Variants in BEND5 observed in about 807,000 individuals in gnomAD.
BEND5 encodes BEN domain-containing protein 5.
In BEND5, 22 loss-of-function variants were observed where a neutral mutation model predicts 43.9. The observed-to-expected ratio is 0.50, with a 90% confidence interval of 0.36 to 0.72. The LOEUF (loss-of-function observed/expected upper bound fraction) is 0.72. Ranked by LOEUF, BEND5 falls within the 30% of genes least tolerant of loss-of-function variation. The probability of loss-of-function intolerance (pLI) is 0.00; values close to 1 mark genes in which losing one functional copy is unlikely to be tolerated. For missense variants in BEND5, 428 were observed against 550.6 expected, an observed-to-expected ratio of 0.78 and a Z score of 2.23; for synonymous variants, 228 against 225.9, an observed-to-expected ratio of 1.01 and a Z score of -0.08.
chr1:48,775,896 G>T (rs999257493), intron 1 of BEND5, among the ~76,000 whole-genome samples: 6 of 152,120 alleles, frequency 3.9e-5, no homozygotes, highest in African/African-American at 1.4e-4. Flanking sequence ...TCTCATTCAG[G>T]GAGCCTTCTG....
At position 48,743,097 on chromosome 1, in the gene BEND5, G is replaced by A. The variant is rs140175658; in HGVS notation, c.746-326C>T. Among the ~76,000 whole-genome samples the A allele has an allele frequency of 6.0e-3, 909 of 152,286 alleles. 8 individuals carry two copies. The highest frequency in any genetic ancestry group is 0.021 in the African/African-American group (853 of 41,554). On this transcript the variant is annotated intron_variant, in intron 3 of 5. Transcript: ENST00000371833. Reference sequence around the variant, plus strand: ...AGGTTCTGTTACGCCTGGGTTGGAGGAGAAGGGGTGGGAATTACTGAAATA... The same window carrying A: ...AGGTTCTGTTACGCCTGGGTTGGAGAAGAAGGGGTGGGAATTACTGAAATA...
intron 2 of BEND5, chr1:48,761,027 C>A: frequency 4.3e-6 from 1 of 232,544 alleles, no homozygotes; most frequent in Non-Finnish European, 8.4e-6. Flanking sequence ...TGGAGCTTAG[C>A]AGTGACCTCT....
intron 1 of BEND5, 141 bp from the exon 2 acceptor site, chr1:48,761,611 G>C (rs1345745543): frequency 3.5e-6 from 3 of 846,356 alleles, no homozygotes; most frequent in Non-Finnish European, 5.3e-6. Flanking sequence ...CTCAAGGCTG[G>C]TTCCCTCTTG....
chr1:48,762,991 T>C (rs751850113), intron 1 of BEND5, among the ~76,000 whole-genome samples: 1 of 152,096 alleles, frequency 6.6e-6, no homozygotes, highest in Non-Finnish European at 1.5e-5. Flanking sequence ...CACCGAACAG[T>C]GCCTGCTACA....
chr1:48,742,796 G>A, intron 3 of BEND5, 25 bp from the exon 4 acceptor site: 1 of 1,509,274 alleles, frequency 6.6e-7, no homozygotes, highest in Non-Finnish European at 8.9e-7. Flanking sequence ...AAAGAAATCT[G>A]TCTAGAACTC....
In BEND5 at chr1:48,776,694, T is replaced by G; in HGVS notation, c.138A>C (p.Glu46Asp). The G allele has an allele frequency of 2.0e-6, 3 of 1,515,164 alleles. No homozygotes were observed. Among genetic ancestry groups the G allele is most frequent in the Non-Finnish European group, 2.6e-6 (3 of 1,132,778 alleles). 93.9% of individuals were successfully genotyped at this position (1,515,164 alleles called of 1,614,324 possible). A position where few individuals can be genotyped will look rare whatever the true frequency, so the allele number is the denominator to read the frequency against. ...KVYAVYRGPE[E>D]LGAGPESPPR... The stretch of plus-strand genomic sequence containing the variant: ...GGGGGCTCTCGGGCCCGGCGCCCAA[T>G]TCCTCCGGGCCCCGGTACACGGCGT... The change falls in exon 1 of 6, where the codon GAA becomes GAC. Residue 46 changes from glutamate to aspartate, a missense_variant. Glu to Asp is a conservative substitution (Grantham distance 45). This residue lies in a region of BEND5 where 107 missense variants were observed against 98.8 expected (regional missense o/e 1.08). Transcript: ENST00000371833.
rs1644126261 is a variant in BEND5, at chr1:48,759,259, T to G, written c.386A>C (p.Glu129Ala). The change falls in exon 3 of 6, where the codon GAA becomes GCA. Residue 129 changes from glutamate to alanine, a missense_variant. Physicochemically the swap from Glu to Ala is moderately radical, Grantham distance 107. This residue lies in a region of BEND5 where 243 missense variants were observed against 286.4 expected (regional missense o/e 0.85). Coordinates refer to ENST00000371833, the MANE Select transcript of BEND5 (RefSeq NM_024603.4). ...TGCCTCGATGCTCTTGTGCGCCACT[T>G]CGCTCGGCTTCCGCCCCTCAGGTCT... Reference protein sequence around the residue: ...IKRPEGRKPSEVAHKSIEAVV... With the variant: ...IKRPEGRKPSAVAHKSIEAVV... The G allele has an allele frequency of 6.4e-7, 1 of 1,565,786 alleles. No homozygotes were observed. The highest frequency in any genetic ancestry group is 1.4e-5 in the African/African-American group (1 of 73,618).
chr1:48,773,702 G>A (rs543443101), intron 1 of BEND5, among the ~76,000 whole-genome samples: 4 of 152,304 alleles, frequency 2.6e-5, no homozygotes, highest in African/African-American at 9.6e-5. Context: ...AGACTGCCAA[G>A]TGGGGGCCTG....
chr1:48,776,542 C>T, intron 1 of BEND5, 64 bp downstream of exon 1: 2 of 1,223,174 alleles, frequency 1.6e-6, no homozygotes, highest in South Asian at 1.8e-5. Flanking sequence ...CCCGGGCCCC[C>T]GGCCCCTCCC....
rs202108114 is a variant in BEND5 at position 48,759,190 on chromosome 1, T to C, written c.455A>G (p.His152Arg). Residue 152 changes from histidine to arginine, a missense_variant, in exon 3 of 6, where the codon CAT becomes CGT. Transcript: ENST00000371833. ...LEKQNGLSLG[H>R]STCPEEVFVE... The stretch of plus-strand genomic sequence containing the variant: ...GAAGACCTCTTCCGGACACGTGCTA[T>C]GGCCCAGGCTCAGGCCGTTCTGCTT... 7.4e-5 allele frequency: 119 copies of C among 1,613,400 alleles called. No homozygotes were observed. The highest frequency in any genetic ancestry group is 6.2e-5 in the Non-Finnish European group (73 of 1,179,710).
At chr1:48,769,273 T>C (rs935586171) in intron 1 of BEND5, among the ~76,000 whole-genome samples, 4 of 151,998 alleles carry the variant, frequency 2.6e-5, no homozygotes, top group African/African-American at 9.7e-5. Context: ...AGAGAAGGAA[T>C]TGCTAGCCAG....
At chr1:48,770,059 G>GCTT (rs886893461) in intron 1 of BEND5, among the ~76,000 whole-genome samples, 4 of 152,268 alleles carry the variant, frequency 2.6e-5, no homozygotes, top group African/African-American at 9.6e-5. Context: ...TCAGCACCAT[G>GCTT]CTAGAAGCCC....
At chr1:48,741,508 C>T (rs1472905404) in intron 4 of BEND5, among the ~76,000 whole-genome samples, 1 of 152,194 alleles carries the variant, frequency 6.6e-6, no homozygotes, top group African/African-American at 2.4e-5. Flanking sequence ...TGTGGCCTGG[C>T]CCATCAGCTT....
At chr1:48,746,929 A>G (rs1040093853) in intron 3 of BEND5, among the ~76,000 whole-genome samples, 2 of 152,240 alleles carry the variant, frequency 1.3e-5, no homozygotes, top group Non-Finnish European at 2.9e-5. Context: ...AAAGGAACAA[A>G]AAAAGCATGT....
intron 3 of BEND5, among the ~76,000 whole-genome samples, chr1:48,750,801 G>C (rs1008416916): frequency 6.6e-6 from 1 of 152,180 alleles, no homozygotes; most frequent in Non-Finnish European, 1.5e-5. Flanking sequence ...TGCATGGCAG[G>C]GAGACAGCAG....
intron 4 of BEND5, among the ~76,000 whole-genome samples, chr1:48,738,429 C>T (rs1227570854): frequency 2.0e-5 from 3 of 152,208 alleles, no homozygotes; most frequent in Non-Finnish European, 4.4e-5. Context: ...GGCTAGGCAA[C>T]ACGGACACCA....
rs1427721320 is a variant in BEND5 at position 48,759,285 on chromosome 1, CTG to C, written c.361-3_361-2del. On this transcript the variant is annotated splice_acceptor_variant and splice_polypyrimidine_tract_variant and intron_variant, in intron 2 of 5. Transcript: ENST00000371833. LOFTEE classifies it high-confidence loss of function. ...CGCTCGGCTTCCGCCCCTCAGGTCT[CTG>C]TGTAGGACAACGAGAATCAGTTCAG... 6.4e-7 allele frequency: 1 copy of C among 1,552,996 alleles called. No homozygotes were observed. The highest frequency in any genetic ancestry group is 2.0e-5 in the Admixed American group (1 of 51,104).
rs1644241099 is a variant in BEND5 at position 48,761,237 on chromosome 1, G to C, written c.360+100C>G. ...AAAATCATAGCCTGTGATACCAGGG[G>C]ACATTTACATGGGGAGAGGAAGCCA... On this transcript the variant is annotated intron_variant, in intron 2 of 5. Coordinates refer to ENST00000371833, the MANE Select transcript of BEND5 (RefSeq NM_024603.4). 3 of 1,233,448 alleles carry C rather than the reference G, an allele frequency of 2.4e-6. No individual in the cohort carries two copies. The African/African-American group carries it at 4.6e-5, about 19-fold the overall frequency. The allele number at this position is 1,233,448 out of a possible 1,614,324, so 76.4% of individuals were successfully genotyped here.
At position 48,776,699 on chromosome 1, in the gene BEND5, C is replaced by T. The variant is rs770186074; in HGVS notation, c.133G>A (p.Glu45Lys). ...QKVYAVYRGP[E>K]ELGAGPESPP... ...CTCTCGGGCCCGGCGCCCAATTCCT[C>T]CGGGCCCCGGTACACGGCGTACACC... The change falls in exon 1 of 6, where the codon GAG (glutamate) becomes AAG (lysine). Residue 45 changes from glutamate (E) to lysine (K), a missense_variant. This residue lies in a region of BEND5 where 107 missense variants were observed against 98.8 expected (regional missense o/e 1.08). Transcript: ENST00000371833. The T allele has an allele frequency of 3.6e-5, 55 of 1,518,540 alleles. No individual in the cohort carries two copies. Among genetic ancestry groups the T allele is most frequent in the East Asian group, 3.3e-4 (12 of 36,784 alleles). 94.1% of individuals were successfully genotyped at this position (1,518,540 alleles called of 1,614,324 possible).
Sources: allele counts gnomAD v4.1 joint callset (sites outside exome capture counted in the v4.1 genomes callset), GRCh38; gene constraint gnomAD v4.1.1; regional missense constraint gnomAD v4.1.1; transcripts MANE v1.5; gene names NCBI Gene and HGNC (gene_info 2026-07-23, HGNC 2026-07-21).